Variants in BCAR3 observed in about 807,000 individuals in gnomAD.
BCAR3 encodes breast cancer anti-estrogen resistance protein 3.
A neutral mutation model predicts 80.1 loss-of-function variants in BCAR3; 37 were observed. That is an observed-to-expected ratio of 0.46 (90% CI 0.36 to 0.61). BCAR3 has a LOEUF of 0.61. Among genes scored for constraint, BCAR3 ranks in the 20% least tolerant of loss-of-function variants. The probability of loss-of-function intolerance (pLI) is 0.00; values close to 1 mark genes in which losing one functional copy is unlikely to be tolerated. For missense variants in BCAR3, 978 were observed against 1,068.2 expected (o/e 0.92, Z 1.18); for synonymous variants, 389 against 418.9 (o/e 0.93, Z 0.87).
chr1:93,773,803 G>T (rs981912027), intron 2 of BCAR3, among the ~76,000 whole-genome samples: 2 of 151,818 alleles, frequency 1.3e-5, no homozygotes, highest in African/African-American at 4.8e-5. Flanking sequence ...TTATATTAAT[G>T]CTCCTTTTTT....
At chr1:93,718,836 C>T (rs576258953) in intron 2 of BCAR3, among the ~76,000 whole-genome samples, 197 of 151,220 alleles carry the variant, frequency 1.3e-3, no homozygotes, top group Non-Finnish European at 2.1e-3. Context: ...GCTGGGACTA[C>T]AGGCATGCAC....
chr1:93,642,436 T>G, intron 2 of BCAR3, 93 bp from the exon 3 acceptor site: 3 of 1,253,030 alleles, frequency 2.4e-6, no homozygotes, highest in Non-Finnish European at 3.5e-6. Flanking sequence ...CCCTATTCAC[T>G]AAGTTACTAA....
At chr1:93,830,051 G>A (rs1028554398) in intron 2 of BCAR3, among the ~76,000 whole-genome samples, 2 of 152,154 alleles carry the variant, frequency 1.3e-5, no homozygotes, top group Non-Finnish European at 2.9e-5. Flanking sequence ...CTCCCTCTTT[G>A]CCTTCCACCA....
At chr1:93,584,956 C>T (rs1296514009) in intron 5 of BCAR3, 8 of 974,800 alleles carry the variant, frequency 8.2e-6, no homozygotes, top group Non-Finnish European at 7.3e-6. Context: ...ACAGAAATCA[C>T]GAAGTTCTTT....
At chr1:93,737,601 TG>T (rs1651021273) in intron 2 of BCAR3, among the ~76,000 whole-genome samples, 1 of 152,212 alleles carries the variant, frequency 6.6e-6, no homozygotes, top group Non-Finnish European at 1.5e-5. Flanking sequence ...TCTGGACTTT[TG>T]GCCTCCTGAA....
Position 93,567,464 on chromosome 1 carries a change from A to C in BCAR3, c.2114T>G (p.Val705Gly), listed in dbSNP as rs771595802. 6.2e-7 allele frequency: 1 copy of C among 1,614,230 alleles called. No homozygotes were observed. Among genetic ancestry groups the C allele is most frequent in the Non-Finnish European group, 8.5e-7 (1 of 1,180,030 alleles). Residue 705 changes from valine (V) to glycine (G), a missense_variant, in exon 11 of 12, where the codon GTA becomes GGA. Physicochemically the swap from Val to Gly is moderately radical, Grantham distance 109 (BLOSUM62 -3). Coordinates refer to ENST00000260502, the MANE Select transcript of BCAR3 (RefSeq NM_003567.4). ...RESTCVPPNN[V>G]SVPLLMPLVT... ...AAGCGGCATCAGCAGTGGGACTGATACATTGTTTGGGGGAACACATGTGGA... is the reference window on the plus strand; with the variant it reads ...AAGCGGCATCAGCAGTGGGACTGATCCATTGTTTGGGGGAACACATGTGGA...
At chr1:93,846,836 C>T (rs1280162461) in intron 1 of BCAR3, 4 of 473,304 alleles carry the variant, frequency 8.5e-6, no homozygotes, top group Non-Finnish European at 1.3e-5. Context: ...GCGCGGGGCG[C>T]GTCGCCCCCC....
chr1:93,765,825 C>T (rs1652128016), intron 2 of BCAR3, among the ~76,000 whole-genome samples: 1 of 151,990 alleles, frequency 6.6e-6, no homozygotes, highest in South Asian at 2.1e-4. Flanking sequence ...CACCACCATG[C>T]CCGGCTAATT....
chr1:93,689,735 C>T (rs149676621), intron 3 of BCAR3, among the ~76,000 whole-genome samples: 2 of 152,262 alleles, frequency 1.3e-5, no homozygotes, highest in African/African-American at 4.8e-5. Flanking sequence ...TTAGATGCTT[C>T]AGGCTACCCT....
rs1163464306 is a variant in BCAR3 at position 93,835,877 on chromosome 1, G to A, written c.-63+9690C>T. Among the ~76,000 whole-genome samples, 5 of 152,116 alleles carry A rather than the reference G, an allele frequency of 3.3e-5. No homozygotes were observed. In the East Asian group the frequency reaches 5.8e-4, roughly 18 times the overall value. On this transcript the variant is annotated intron_variant, in intron 2 of 13. Transcript: ENST00000370244. Reference sequence around the variant, plus strand: ...CCACAGGGTCTGAGAAGGCCACCGCGGTCATTTCTTCCCTTCTGTCAGACA... The same window carrying A: ...CCACAGGGTCTGAGAAGGCCACCGCAGTCATTTCTTCCCTTCTGTCAGACA...
intron 8 of BCAR3, among the ~76,000 whole-genome samples, chr1:93,573,786 GC>G: frequency 6.7e-6 from 1 of 148,700 alleles, no homozygotes; most frequent in East Asian, 1.9e-4. Flanking sequence ...ATGCCACCAT[GC>G]CCAGCTAATT....
chr1:93,575,794 G>A (rs1267976201), intron 8 of BCAR3, among the ~76,000 whole-genome samples: 4 of 152,158 alleles, frequency 2.6e-5, no homozygotes, highest in Non-Finnish European at 5.9e-5. Context: ...GAGCAGGGAC[G>A]GGAACACATT....
At chr1:93,754,676 A>T (rs1651686761) in intron 2 of BCAR3, among the ~76,000 whole-genome samples, 1 of 152,168 alleles carries the variant, frequency 6.6e-6, no homozygotes, top group African/African-American at 2.4e-5. Flanking sequence ...CATTCCTCAC[A>T]TGTTTGTGGT....
chr1:93,605,026 T>G (rs1199195678), intron 3 of BCAR3, among the ~76,000 whole-genome samples: 1 of 152,202 alleles, frequency 6.6e-6, no homozygotes, highest in East Asian at 1.9e-4. Flanking sequence ...CGTTAATAGA[T>G]AAACCGAAAC....
At chr1:93,746,975 CTT>C (rs1475783655) in intron 2 of BCAR3, among the ~76,000 whole-genome samples, 1 of 152,210 alleles carries the variant, frequency 6.6e-6, no homozygotes, top group Non-Finnish European at 1.5e-5. Context: ...TTCACCAACT[CTT>C]TCTCCTCTGT....
chr1:93,837,929 A>G (rs1654825500), intron 2 of BCAR3, among the ~76,000 whole-genome samples: 1 of 152,230 alleles, frequency 6.6e-6, no homozygotes. Context: ...TGATCCATTC[A>G]ACACTCACAT....
chr1:93,622,904 GAGGA>G (rs1675357265), intron 3 of BCAR3, among the ~76,000 whole-genome samples: 1 of 152,202 alleles, frequency 6.6e-6, no homozygotes, highest in Non-Finnish European at 1.5e-5. Flanking sequence ...GGGCTGGGTG[GAGGA>G]AGGGAGAATT....
chr1:93,788,209 G>A (rs1233552523), intron 2 of BCAR3, among the ~76,000 whole-genome samples: 1 of 152,042 alleles, frequency 6.6e-6, no homozygotes, highest in Non-Finnish European at 1.5e-5. Context: ...TTATGTATTA[G>A]GTGAGTCTCT....
chr1:93,620,122 C>T (rs72963389), intron 3 of BCAR3, among the ~76,000 whole-genome samples: 5,333 of 152,224 alleles, frequency 0.035, 319 homozygotes, highest in African/African-American at 0.12. Flanking sequence ...CCCACCCACA[C>T]GCTGGGCTAC....
Sources: gnomAD v4.1 joint callset for allele counts (sites outside exome capture counted in the v4.1 genomes callset) on GRCh38, gnomAD v4.1.1 for gene constraint, MANE v1.5 for transcripts, NCBI Gene and HGNC (gene_info 2026-07-23, HGNC 2026-07-21) for gene names.